Variants in TMEM232 observed in about 807,000 individuals in gnomAD.
TMEM232 encodes the protein transmembrane protein 232.
In TMEM232, 80 loss-of-function variants were observed where a neutral mutation model predicts 78.8. That is an observed-to-expected ratio of 1.01 (90% CI 0.85 to 1.22). The LOEUF is 1.22. TMEM232 is among the 50% of genes most tolerant of loss of function. The probability of loss-of-function intolerance (pLI) is 0.00; values close to 1 mark genes in which losing one functional copy is unlikely to be tolerated. For missense variants in TMEM232, 881 were observed against 742.2 expected, an observed-to-expected ratio of 1.19 and a Z score of -2.17; for synonymous variants, 297 against 254.3, an observed-to-expected ratio of 1.17 and a Z score of -1.60.
rs143710757 is a variant in TMEM232, at chr5:110,396,783, C to A, written n.390+990G>T. ...TACATTATTTAATCCCACATTGAGT[C>A]TTTAGCCAGAGTTACATAGTTAACA... On this transcript the variant is annotated intron_variant and non_coding_transcript_variant, in intron 3 of 8. Transcript: ENST00000507188. 2.8e-4 allele frequency among the ~76,000 whole-genome samples: 43 copies of A among 152,246 alleles called. 1 individual carries two copies. In the East Asian group the frequency reaches 7.5e-3, roughly 27 times the overall value.
chr5:110,714,013 T>C (rs1200523452), intron 1 of TMEM232, among the ~76,000 whole-genome samples: 1 of 152,224 alleles, frequency 6.6e-6, no homozygotes, highest in East Asian at 1.9e-4. Context: ...TTTCAGGAAC[T>C]ATTCCTTGAC....
intron 1 of TMEM232, among the ~76,000 whole-genome samples, chr5:110,705,161 A>C (rs963314652): frequency 4.6e-5 from 7 of 152,220 alleles, no homozygotes; most frequent in African/African-American, 1.7e-4. Context: ...CCTGTACCCA[A>C]ACTGCACTCC....
chr5:110,428,262 G>C (rs1580634973), intron 12 of TMEM232, among the ~76,000 whole-genome samples: 1 of 151,766 alleles, frequency 6.6e-6, no homozygotes, highest in African/African-American at 2.4e-5. Flanking sequence ...ACAAAAGCAA[G>C]ATAGCCTTAA....
intron 10 of TMEM232, among the ~76,000 whole-genome samples, chr5:110,570,938 CA>C (rs2149692344): frequency 6.6e-6 from 1 of 152,078 alleles, no homozygotes; most frequent in South Asian, 2.1e-4. Context: ...TAATACACTA[CA>C]AACAGACAAA....
At chr5:110,634,491 A>C (rs1010218965) in intron 5 of TMEM232, among the ~76,000 whole-genome samples, 3 of 152,154 alleles carry the variant, frequency 2.0e-5, no homozygotes, top group Non-Finnish European at 2.9e-5. Context: ...AATCACACCA[A>C]GTATCTTCTC....
At chr5:110,652,294 G>GCACGCGCGCACACA (rs1554069162) in intron 2 of TMEM232, among the ~76,000 whole-genome samples, 8 of 145,360 alleles carry the variant, frequency 5.5e-5, no homozygotes, top group African/African-American at 1.8e-4. Flanking sequence ...GCACGCGCGC[G>GCACGCGCGCACACA]CACACACACA....
chr5:110,520,052 G>T (rs112494285), intron 12 of TMEM232, among the ~76,000 whole-genome samples: 28,874 of 131,896 alleles, frequency 0.22, 2,794 homozygotes, highest in African/African-American at 0.29. Context: ...TATATATATA[G>T]AGAGAGAGAG....
chr5:110,564,520 C>T (rs1432423157), intron 11 of TMEM232, among the ~76,000 whole-genome samples: 1 of 151,928 alleles, frequency 6.6e-6, no homozygotes, highest in Non-Finnish European at 1.5e-5. Context: ...TTGCAACATA[C>T]TGTGTAATGG....
At chr5:110,464,691 A>G (rs896871077) in intron 12 of TMEM232, among the ~76,000 whole-genome samples, 10 of 152,252 alleles carry the variant, frequency 6.6e-5, no homozygotes, top group South Asian at 2.1e-4. Context: ...CCATGTAACA[A>G]CTAAGTGGAG....
intron 8 of TMEM232, 114 bp from the exon 9 acceptor site, chr5:110,606,401 G>T (rs530747716): frequency 9.6e-7 from 1 of 1,045,954 alleles, no homozygotes; most frequent in South Asian, 2.5e-5. Flanking sequence ...TGCATTACCA[G>T]ATACATTTAT....
intron 2 of TMEM232, among the ~76,000 whole-genome samples, chr5:110,654,216 C>A (rs969244696): frequency 1.3e-5 from 2 of 152,180 alleles, no homozygotes; most frequent in African/African-American, 4.8e-5. Flanking sequence ...TGTCACAGTA[C>A]ACATCTGATG....
chr5:110,588,539 G>A (rs1377010010), intron 10 of TMEM232, among the ~76,000 whole-genome samples: 1 of 152,140 alleles, frequency 6.6e-6, no homozygotes, highest in East Asian at 1.9e-4. Flanking sequence ...TGACAGCAGG[G>A]TGGAGAGGTG....
In TMEM232 at chr5:110,656,416, G is replaced by T. The variant is rs533869106; in HGVS notation, c.125+10812C>A. ...TATATCCTTATGTTAATTTTTTTTT[G>T]TTTGAGTTAGTTTGAACGTGTGCCT... is the stretch of plus-strand genomic sequence containing the variant. On this transcript the variant is annotated intron_variant, in intron 2 of 13. Transcript: ENST00000455884. Among the ~76,000 whole-genome samples the T allele has an allele frequency of 6.6e-5, 10 of 151,796 alleles. No homozygotes were observed. In the East Asian group the frequency reaches 1.5e-3, roughly 23 times the overall value.
chr5:110,422,725 A>G (rs1756803574), intron 13 of TMEM232, among the ~76,000 whole-genome samples: 1 of 152,032 alleles, frequency 6.6e-6, no homozygotes, highest in Non-Finnish European at 1.5e-5. Context: ...AGAATTTGGA[A>G]TGGCTGAAAT....
intron 11 of TMEM232, among the ~76,000 whole-genome samples, chr5:110,558,552 A>G (rs1230575513): frequency 6.6e-6 from 1 of 152,096 alleles, no homozygotes; most frequent in East Asian, 1.9e-4. Flanking sequence ...TGAGTGTGGT[A>G]AGGCAGGGAC....
chr5:110,628,948 T>G (rs968567759), intron 5 of TMEM232: 1 of 152,058 alleles, frequency 6.6e-6, no homozygotes. Context: ...CTAATAAATT[T>G]TGAGAATGCA....
intron 1 of TMEM232, among the ~76,000 whole-genome samples, chr5:110,674,118 C>T (rs1308478352): frequency 6.6e-6 from 1 of 151,722 alleles, no homozygotes; most frequent in Non-Finnish European, 1.5e-5. Context: ...TTCTAATTTA[C>T]ATCAAGTCTG....
At chr5:110,522,622 A>G (rs1360391982) in intron 12 of TMEM232, among the ~76,000 whole-genome samples, 3 of 152,170 alleles carry the variant, frequency 2.0e-5, no homozygotes, top group East Asian at 1.9e-4. Flanking sequence ...TTATCATAAA[A>G]TGGTGTTGAA....
chr5:110,473,400 A>C (rs1302613311), intron 12 of TMEM232, among the ~76,000 whole-genome samples: 1 of 151,752 alleles, frequency 6.6e-6, no homozygotes, highest in Non-Finnish European at 1.5e-5. Context: ...CCTCCAGATA[A>C]AATGCAAAGT....
Sources: gnomAD v4.1 joint callset for allele counts (sites outside exome capture counted in the v4.1 genomes callset) on GRCh38, gnomAD v4.1.1 for gene constraint, MANE v1.5 for transcripts, NCBI Gene and HGNC (gene_info 2026-07-23, HGNC 2026-07-21) for gene names.